The following ATP11B variants were observed in gnomAD, a reference collection of about 807,000 sequenced individuals.
ATP11B encodes the protein ATPase phospholipid transporting 11B (putative), also known as phospholipid-transporting ATPase IF.
In ATP11B, 81 loss-of-function variants were observed where a neutral mutation model predicts 157.8. The observed-to-expected ratio is 0.51, with a 90% confidence interval of 0.43 to 0.62. ATP11B has a LOEUF of 0.62. ATP11B is among the 20% of genes least tolerant of loss of function. The pLI, the probability that ATP11B is intolerant of heterozygous loss-of-function variation, is 0.00. For missense variants in ATP11B, 1,165 were observed against 1,402.2 expected (o/e 0.83, Z 2.70); for synonymous variants, 451 against 469.4 (o/e 0.96, Z 0.51).
Position 182,889,514 on chromosome 3 carries a change from T to C in ATP11B, c.2948T>C (p.Ile983Thr), listed in dbSNP as rs760713305. 31 of 1,566,794 alleles carry C rather than the reference T, an allele frequency of 2.0e-5. No individual in the cohort carries two copies. The South Asian group carries it at 3.0e-4, about 15-fold the overall frequency. The change falls in exon 25 of 30, where the codon ATA (isoleucine) becomes ACA (threonine). Residue 983 changes from isoleucine to threonine, a missense_variant. Transcript: ENST00000323116. ...FIFFFGSYLL[I>T]GKDTSLLGNG... ...TTCTTTTTTGGATCCTATTTACTAATAGGGAAAGATACATCTCTGCTTGGA... is the reference window on the plus strand; with the variant it reads ...TTCTTTTTTGGATCCTATTTACTAACAGGGAAAGATACATCTCTGCTTGGA...
At chr3:182,902,874 G>A (rs1724065531) in intron 28 of ATP11B, among the ~76,000 whole-genome samples, 1 of 151,920 alleles carries the variant, frequency 6.6e-6, no homozygotes, top group African/African-American at 2.4e-5. Flanking sequence ...TGCTTGTCAT[G>A]TTATTCATAT....
intron 26 of ATP11B, 34 bp downstream of exon 26, chr3:182,896,799 TTG>T: frequency 6.6e-7 from 1 of 1,524,150 alleles, no homozygotes; most frequent in Non-Finnish European, 9.1e-7. Context: ...TGGACACATT[TTG>T]CAACTGTTTA....
intron 17 of ATP11B, among the ~76,000 whole-genome samples, chr3:182,869,801 C>G (rs1387400481): frequency 6.6e-6 from 1 of 152,208 alleles, no homozygotes; most frequent in Non-Finnish European, 1.5e-5. Flanking sequence ...AAATCTTATA[C>G]ACGAAATGTT....
chr3:182,887,833 T>A, intron 24 of ATP11B, 120 bp downstream of exon 24: 1 of 1,042,284 alleles, frequency 9.6e-7, no homozygotes, highest in Non-Finnish European at 1.4e-6. Context: ...GTCGTATGAT[T>A]TACAGTTGTT....
chr3:182,885,244 A>G (rs184780065), intron 22 of ATP11B, among the ~76,000 whole-genome samples: 108 of 152,266 alleles, frequency 7.1e-4, no homozygotes, highest in African/African-American at 2.4e-3. Flanking sequence ...GAGCTCCTCA[A>G]TATGGAGCTT....
intron 28 of ATP11B, among the ~76,000 whole-genome samples, chr3:182,910,073 G>GGAAAA (rs1560133093): frequency 1.6e-5 from 1 of 63,388 alleles, no homozygotes; most frequent in African/African-American, 4.7e-5. Context: ...TCGGCCTCCA[G>GGAAAA]AAAAAAAAAA....
At chr3:182,917,653 GGTTT>G (rs1181022098) in intron 29 of ATP11B, 31 of 985,142 alleles carry the variant, frequency 3.1e-5, no homozygotes, top group Middle Eastern at 5.2e-4. Flanking sequence ...GTGGGATTTG[GGTTT>G]GTTTTTGTAA....
At chr3:182,847,565 T>G (rs1719632678) in intron 9 of ATP11B, among the ~76,000 whole-genome samples, 1 of 152,202 alleles carries the variant, frequency 6.6e-6, no homozygotes, top group African/African-American at 2.4e-5. Flanking sequence ...ACCCTGCCTT[T>G]AAGGAATAAG....
intron 28 of ATP11B, among the ~76,000 whole-genome samples, chr3:182,910,000 G>T (rs1724657078): frequency 6.8e-6 from 1 of 148,028 alleles, no homozygotes; most frequent in African/African-American, 2.5e-5. Context: ...GGAGGCGGAG[G>T]TTGCAGTGAA....
intron 29 of ATP11B, chr3:182,914,255 A>G: frequency 8.0e-7 from 1 of 1,243,246 alleles, no homozygotes; most frequent in Non-Finnish European, 1.0e-6. Flanking sequence ...TAATCTTTCT[A>G]AAATGTGCTC....
rs191800961 is a variant in ATP11B, at chr3:182,829,934, C to T, written c.315+182C>T. 2.1e-4 allele frequency: 209 copies of T among 985,200 alleles called. 1 individual carries two copies. The African/African-American group carries it at 3.4e-3, about 16-fold the overall frequency. The allele number at this position is 985,200 out of a possible 1,614,324, so 61.0% of individuals were successfully genotyped here. On this transcript the variant is annotated intron_variant, in intron 4 of 29. Coordinates refer to ENST00000323116, the MANE Select transcript of ATP11B (RefSeq NM_014616.3). ...CTGTTATATTTCAGGTACCTGGTGA[C>T]TCATGGAATGATTAACATCGTTAAA...
At chr3:182,907,666 C>T (rs1221120831) in intron 28 of ATP11B, among the ~76,000 whole-genome samples, 1 of 152,186 alleles carries the variant, frequency 6.6e-6, no homozygotes, top group Non-Finnish European at 1.5e-5. Flanking sequence ...CCAAAGAAAG[C>T]TCATGTGAAG....
intron 15 of ATP11B, 42 bp downstream of exon 15, chr3:182,867,486 G>A (rs759256484): frequency 4.7e-6 from 6 of 1,279,828 alleles, no homozygotes; most frequent in Non-Finnish European, 6.7e-6. Flanking sequence ...TGTGTTAAGT[G>A]TATATAGTAT....
chr3:182,794,738 A>G (rs930203528), intron 1 of ATP11B, among the ~76,000 whole-genome samples: 5 of 152,220 alleles, frequency 3.3e-5, no homozygotes, highest in Non-Finnish European at 5.9e-5. Flanking sequence ...AGCTGTGACA[A>G]TTAGGACAGA....
Position 182,845,438 on chromosome 3 carries a change from T to C in ATP11B, c.705-20T>C, listed in dbSNP as rs1482908486. ...TTTTAATATATTCAGTGCTTTATGG[T>C]TATTTTCTTTTTTTCCTAGACCTCT... On this transcript the variant is annotated intron_variant, in intron 8 of 29. Transcript: ENST00000323116. 6.3e-7 allele frequency: 1 copy of C among 1,585,932 alleles called. No homozygotes were observed. The highest frequency in any genetic ancestry group is 1.4e-5 in the African/African-American group (1 of 72,884).
At position 182,857,882 on chromosome 3, in the gene ATP11B, A is replaced by G. The variant is rs779334052; in HGVS notation, c.856A>G (p.Met286Val). The G allele has an allele frequency of 6.7e-6, 10 of 1,503,598 alleles. No individual in the cohort carries two copies. The African/African-American group carries it at 6.9e-5, about 10-fold the overall frequency. The allele number at this position is 1,503,598 out of a possible 1,614,324, so 93.1% of individuals were successfully genotyped here. A position where few individuals can be genotyped will look rare whatever the true frequency, so the allele number is the denominator to read the frequency against. Residue 286 changes from methionine to valine, a missense_variant, in exon 11 of 30, where the codon ATG (methionine) becomes GTG (valine). Physicochemically the swap from Met to Val is conservative, Grantham distance 21. This residue lies in a region of ATP11B where 737 missense variants were observed against 930.5 expected (regional missense o/e 0.79). Coordinates refer to ENST00000323116, the MANE Select transcript of ATP11B (RefSeq NM_014616.3). ...ATTCTCTTTTTCTTCCTTAAGGTCAATGAATACATTTTTGATAATTTATCT... is the reference window on the plus strand; with the variant it reads ...ATTCTCTTTTTCTTCCTTAAGGTCAGTGAATACATTTTTGATAATTTATCT... ...SQKRSAVEKSMNTFLIIYLVI... is the reference protein window; with the variant it reads ...SQKRSAVEKSVNTFLIIYLVI...
chr3:182,888,701 T>C (rs1560115829), intron 24 of ATP11B, among the ~76,000 whole-genome samples: 1 of 151,296 alleles, frequency 6.6e-6, no homozygotes, highest in Non-Finnish European at 1.5e-5. Flanking sequence ...TTTAAACTTT[T>C]TATTTATTTA....
At chr3:182,916,453 A>G (rs1170127091) in intron 29 of ATP11B, 2 of 985,234 alleles carry the variant, frequency 2.0e-6, no homozygotes, top group African/African-American at 1.7e-5. Flanking sequence ...CTTACATTTT[A>G]TTAATTGATG....
intron 26 of ATP11B, 142 bp downstream of exon 26, chr3:182,896,907 G>T: frequency 6.3e-6 from 4 of 632,444 alleles, no homozygotes; most frequent in South Asian, 2.4e-5. Context: ...TATTTTAATA[G>T]TTAAATTTTT....
Sources: gnomAD v4.1 joint callset for allele counts (sites outside exome capture counted in the v4.1 genomes callset) on GRCh38, gnomAD v4.1.1 for gene constraint, gnomAD v4.1.1 regional missense constraint, MANE v1.5 for transcripts, NCBI Gene and HGNC (gene_info 2026-07-23, HGNC 2026-07-21) for gene names.